LRP1B: variants seen among roughly 807,000 people sequenced by gnomAD.
The protein encoded by LRP1B is LDL receptor related protein 1B, also known as low-density lipoprotein receptor-related protein 1B.
LRP1B carries 217 observed loss-of-function variants against 556.6 expected under a neutral mutation model. The observed-to-expected ratio is 0.39, with a 90% confidence interval of 0.35 to 0.44. LRP1B has a LOEUF of 0.44. LRP1B is among the 20% of genes least tolerant of loss of function. LRP1B has a pLI of 1.00. For missense variants in LRP1B, 5,053 were observed against 5,620.8 expected (o/e 0.90, Z 3.23); for synonymous variants, 2,047 against 1,865.8 (o/e 1.10, Z -2.50).
intron 3 of LRP1B, among the ~76,000 whole-genome samples, chr2:141,256,335 G>A (rs893143145): frequency 6.6e-6 from 1 of 151,756 alleles, no homozygotes; most frequent in Non-Finnish European, 1.5e-5. Flanking sequence ...CAACAATAAC[G>A]AACGCTGCAT....
At chr2:141,152,754 T>C (rs1291772664) in intron 7 of LRP1B, among the ~76,000 whole-genome samples, 1 of 151,826 alleles carries the variant, frequency 6.6e-6, no homozygotes. Flanking sequence ...AATATTTTAT[T>C]ATCACATTAT....
intron 7 of LRP1B, chr2:141,167,278 A>G (rs933101453): frequency 3.3e-5 from 5 of 151,910 alleles, no homozygotes; most frequent in Admixed American, 6.6e-5. Context: ...ATGCCTCACA[A>G]ATATCATCTT....
chr2:141,141,151 G>A (rs1029212163), intron 7 of LRP1B, among the ~76,000 whole-genome samples: 7 of 152,026 alleles, frequency 4.6e-5, no homozygotes, highest in African/African-American at 1.7e-4. Context: ...TTTGGTTAAC[G>A]AATACAGAAG....
rs56316293 is a variant in LRP1B at position 141,518,122 on chromosome 2, T to TAA, written c.206-37591_206-37590dup. Among the ~76,000 whole-genome samples, 529 of 150,560 alleles carry TAA rather than the reference T, an allele frequency of 3.5e-3. 2 individuals carry two copies. The highest frequency in any genetic ancestry group is 5.7e-3 in the Non-Finnish European group (383 of 67,668). The stretch of plus-strand genomic sequence containing the variant: ...GTTAAAAATTGAGCAAGGTTATCTT[T>TAA]AAAAAAAAAAAAGTCTTTAAATTGC... On this transcript the variant is annotated intron_variant, in intron 2 of 90. Coordinates refer to ENST00000389484, the MANE Select transcript of LRP1B (RefSeq NM_018557.3).
At chr2:141,077,077 T>C (rs1269114294) in intron 7 of LRP1B, among the ~76,000 whole-genome samples, 1 of 152,048 alleles carries the variant, frequency 6.6e-6, no homozygotes, top group Admixed American at 6.5e-5. Flanking sequence ...AAACCCCGGC[T>C]TTACTAAAAA....
At chr2:141,687,429 G>T (rs1187143523) in intron 2 of LRP1B, among the ~76,000 whole-genome samples, 2 of 151,896 alleles carry the variant, frequency 1.3e-5, no homozygotes, top group African/African-American at 2.4e-5. Context: ...AAATTAATTA[G>T]CTACATTATT....
chr2:140,303,572 A>C (rs1683934603), intron 83 of LRP1B, among the ~76,000 whole-genome samples: 1 of 152,064 alleles, frequency 6.6e-6, no homozygotes, highest in Admixed American at 6.6e-5. Context: ...TTACAATTTA[A>C]CTTGATAGCA....
intron 3 of LRP1B, among the ~76,000 whole-genome samples, chr2:141,427,237 AT>A (rs1407212987): frequency 3.3e-5 from 5 of 152,242 alleles, no homozygotes; most frequent in Non-Finnish European, 7.3e-5. Context: ...AATATCATAT[AT>A]TTATGTGTGA....
At chr2:140,698,078 G>A (rs1255957305) in intron 41 of LRP1B, among the ~76,000 whole-genome samples, 6 of 150,890 alleles carry the variant, frequency 4.0e-5, no homozygotes, top group Non-Finnish European at 8.9e-5. Context: ...TTTTTAAGCT[G>A]CTTATTTTGG....
chr2:141,103,132 G>A (rs1214887135), intron 7 of LRP1B, among the ~76,000 whole-genome samples: 2 of 151,658 alleles, frequency 1.3e-5, no homozygotes, highest in African/African-American at 4.8e-5. Flanking sequence ...TTGAGAGCCT[G>A]CTTCATCCAT....
rs867123624 is a variant in LRP1B, at chr2:142,028,667, A to G, written c.82+101981T>C. Among the ~76,000 whole-genome samples the G allele has an allele frequency of 2.6e-5, 4 of 152,116 alleles. No individual in the cohort carries two copies. In the South Asian group the frequency reaches 8.3e-4, roughly 32 times the overall value. On this transcript the variant is annotated intron_variant, in intron 1 of 90. Coordinates refer to ENST00000389484, the MANE Select transcript of LRP1B (RefSeq NM_018557.3). Reference sequence around the variant, plus strand: ...CAGATATTGTGGTAACACAAGTTTAATTTCTCTTAGGTAAATGCCTAGAAG... The same window carrying G: ...CAGATATTGTGGTAACACAAGTTTAGTTTCTCTTAGGTAAATGCCTAGAAG...
intron 4 of LRP1B, among the ~76,000 whole-genome samples, chr2:141,248,317 C>A (rs999017007): frequency 6.6e-6 from 1 of 152,196 alleles, no homozygotes; most frequent in African/African-American, 2.4e-5. Context: ...AAAATATGGT[C>A]CCTACCCCTG....
chr2:140,614,050 G>C (rs897267509), intron 41 of LRP1B, among the ~76,000 whole-genome samples: 4 of 151,996 alleles, frequency 2.6e-5, no homozygotes, highest in Non-Finnish European at 2.9e-5. Flanking sequence ...TTGAAAGCTA[G>C]TAGACACAGC....
rs537410328 is a variant in LRP1B at position 141,846,267 on chromosome 2, A to G, written c.83-35866T>C. 1.1e-4 allele frequency among the ~76,000 whole-genome samples: 16 copies of G among 151,894 alleles called. 1 individual carries two copies. In the South Asian group the frequency reaches 3.3e-3, roughly 31 times the overall value. On this transcript the variant is annotated intron_variant, in intron 1 of 90. Coordinates refer to ENST00000389484, the MANE Select transcript of LRP1B (RefSeq NM_018557.3). The stretch of plus-strand genomic sequence containing the variant: ...AAAGAATAACCAAGTAGGCATTATT[A>G]CATTTAAATATGTAGCTAAAATTGA...
chr2:141,364,086 G>A (rs904863666), intron 3 of LRP1B, among the ~76,000 whole-genome samples: 1 of 151,986 alleles, frequency 6.6e-6, no homozygotes, highest in Non-Finnish European at 1.5e-5. Context: ...TCAAGGGCAA[G>A]TACTCTTCTG....
At chr2:141,430,983 G>A (rs4271707) in intron 3 of LRP1B, among the ~76,000 whole-genome samples, 72,417 of 151,228 alleles carry the variant, frequency 0.48, 17,566 homozygotes, top group East Asian at 0.69. Context: ...AAAATTAAAA[G>A]AAAATTAGCC....
At chr2:140,830,883 A>C (rs919874900) in intron 31 of LRP1B, among the ~76,000 whole-genome samples, 14 of 152,128 alleles carry the variant, frequency 9.2e-5, no homozygotes, top group Non-Finnish European at 1.8e-4. Flanking sequence ...TTTATCACAC[A>C]ATAATCAGTG....
At chr2:141,054,925 T>C (rs976981142) in intron 10 of LRP1B, among the ~76,000 whole-genome samples, 191 bp downstream of exon 10, 5 of 151,998 alleles carry the variant, frequency 3.3e-5, no homozygotes, top group African/African-American at 1.2e-4. Context: ...CTCCAGAGCC[T>C]GGTTAGTTTC....
chr2:140,336,085 A>G (rs1681077995), intron 77 of LRP1B, among the ~76,000 whole-genome samples: 1 of 152,002 alleles, frequency 6.6e-6, no homozygotes, highest in African/African-American at 2.4e-5. Context: ...CTCTGCTGAA[A>G]TATTTCCAGA....
Sources: gnomAD v4.1 joint callset for allele counts (sites outside exome capture counted in the v4.1 genomes callset) on GRCh38, gnomAD v4.1.1 for gene constraint, MANE v1.5 for transcripts, NCBI Gene and HGNC (gene_info 2026-07-23, HGNC 2026-07-21) for gene names.